SNX29: variants seen among roughly 807,000 people sequenced by gnomAD.
SNX29 encodes the protein sorting nexin 29.
SNX29 carries 78 observed loss-of-function variants against 102.1 expected under a neutral mutation model. That is an observed-to-expected ratio of 0.76 (90% CI 0.64 to 0.92). The LOEUF (loss-of-function observed/expected upper bound fraction) is 0.92, where lower values mean the gene tolerates loss of function less well. Ranked by LOEUF, SNX29 falls within the 40% of genes least tolerant of loss-of-function variation. The pLI, the probability that SNX29 is intolerant of heterozygous loss-of-function variation, is 0.00. For synonymous variants in SNX29, 580 were observed against 414.5 expected, an observed-to-expected ratio of 1.40 and a Z score of -4.85; for missense variants, 1,280 against 1,061.7, an observed-to-expected ratio of 1.21 and a Z score of -2.86.
chr16:12,058,092 T>A (rs1279759634), intron 8 of SNX29, among the ~76,000 whole-genome samples: 4 of 152,072 alleles, frequency 2.6e-5, no homozygotes, highest in Admixed American at 2.6e-4. Context: ...AGTGCTGGGA[T>A]TACAGGTGTG....
intron 19 of SNX29, among the ~76,000 whole-genome samples, chr16:12,523,617 T>C (rs56083878): frequency 0.38 from 58,504 of 152,084 alleles, 12,921 homozygotes; most frequent in East Asian, 0.7. Flanking sequence ...TGGTGGGCAG[T>C]AGCTCACCAC....
At chr16:12,019,534 G>A (rs2056952958) in intron 3 of SNX29, among the ~76,000 whole-genome samples, 1 of 151,180 alleles carries the variant, frequency 6.6e-6, no homozygotes, top group Non-Finnish European at 1.5e-5. Flanking sequence ...TCACCAAGTG[G>A]CTCTTAATTT....
At chr16:12,140,811 G>C (rs941425421) in intron 13 of SNX29, among the ~76,000 whole-genome samples, 1 of 152,148 alleles carries the variant, frequency 6.6e-6, no homozygotes, top group African/African-American at 2.4e-5. Context: ...CGCTGGTCCA[G>C]CTACTTTGGC....
In SNX29 at chr16:12,571,800, G is replaced by A; in HGVS notation, c.*3171G>A. 1 of 1,018,974 alleles carries A rather than the reference G, an allele frequency of 9.8e-7. No homozygotes were observed. Among genetic ancestry groups the A allele is most frequent in the Non-Finnish European group, 1.2e-6 (1 of 838,354 alleles). 63.1% of individuals were successfully genotyped at this position (1,018,974 alleles called of 1,614,324 possible). A position where few individuals can be genotyped will look rare whatever the true frequency, so the allele number is the denominator to read the frequency against. On this transcript the variant is annotated 3_prime_UTR_variant, in exon 21 of 21. Coordinates refer to ENST00000566228, the MANE Select transcript of SNX29 (RefSeq NM_032167.5). ...TTCTCCGCCACTCTTCCTGCAATCA[G>A]TGTGAAATTCCAGCTTCTTTGATTC... is the stretch of plus-strand genomic sequence containing the variant.
chr16:12,046,695 C>A (rs1323251379), intron 6 of SNX29, among the ~76,000 whole-genome samples: 1 of 152,248 alleles, frequency 6.6e-6, no homozygotes, highest in Non-Finnish European at 1.5e-5. Flanking sequence ...CCTCGGCTCA[C>A]TGCAACCTCC....
chr16:12,534,565 T>G (rs1381860983), intron 20 of SNX29, among the ~76,000 whole-genome samples: 1 of 152,134 alleles, frequency 6.6e-6, no homozygotes, highest in Non-Finnish European at 1.5e-5. Context: ...TGGTCACAGG[T>G]TATTAGGGTT....
At chr16:12,238,986 T>A (rs573048092) in intron 14 of SNX29, among the ~76,000 whole-genome samples, 1 of 152,322 alleles carries the variant, frequency 6.6e-6, no homozygotes, top group African/African-American at 2.4e-5. Flanking sequence ...AAAAGGACTC[T>A]CCCCCGCTAA....
chr16:12,358,206 G>C (rs556927904), intron 16 of SNX29, among the ~76,000 whole-genome samples: 2 of 152,202 alleles, frequency 1.3e-5, no homozygotes, highest in Non-Finnish European at 2.9e-5. Flanking sequence ...CCCTGTTTGT[G>C]TGCAAAAGTT....
At chr16:12,238,401 C>G (rs2078001894) in intron 14 of SNX29, among the ~76,000 whole-genome samples, 1 of 151,798 alleles carries the variant, frequency 6.6e-6, no homozygotes, top group Non-Finnish European at 1.5e-5. Flanking sequence ...TCTCGGCTCA[C>G]TGCAGCCTCC....
At chr16:12,122,849 C>G (rs866661518) in intron 11 of SNX29, among the ~76,000 whole-genome samples, 1 of 152,004 alleles carries the variant, frequency 6.6e-6, no homozygotes, top group Non-Finnish European at 1.5e-5. Flanking sequence ...TTTTTCTAGG[C>G]GGAGTCTCAC....
At chr16:12,536,653 T>C (rs933313320) in intron 20 of SNX29, among the ~76,000 whole-genome samples, 1 of 152,156 alleles carries the variant, frequency 6.6e-6, no homozygotes, top group Admixed American at 6.5e-5. Context: ...ATTTCTGGGT[T>C]CCTTAGATCC....
At chr16:12,361,667 T>A (rs1016690036) in intron 16 of SNX29, among the ~76,000 whole-genome samples, 3 of 152,210 alleles carry the variant, frequency 2.0e-5, no homozygotes, top group Non-Finnish European at 2.9e-5. Flanking sequence ...AAATTAAATT[T>A]TTGGTTTTTT....
intron 18 of SNX29, among the ~76,000 whole-genome samples, chr16:12,446,425 CATT>C (rs2086057345): frequency 6.6e-6 from 1 of 152,170 alleles, no homozygotes; most frequent in Admixed American, 6.5e-5. Context: ...TCAGCAGAGT[CATT>C]AATTGTTCTT....
At chr16:12,464,464 T>C (rs887217153) in intron 18 of SNX29, among the ~76,000 whole-genome samples, 4 of 152,134 alleles carry the variant, frequency 2.6e-5, no homozygotes, top group African/African-American at 9.7e-5. Flanking sequence ...TTTCAGTTAG[T>C]TAATTTGAGA....
At chr16:12,443,603 G>A (rs990564856) in intron 18 of SNX29, among the ~76,000 whole-genome samples, 7 of 152,136 alleles carry the variant, frequency 4.6e-5, no homozygotes, top group East Asian at 3.9e-4. Flanking sequence ...GACATGGACC[G>A]CCATGACTGG....
chr16:12,562,482 C>T (rs1326163566), intron 20 of SNX29, among the ~76,000 whole-genome samples: 2 of 152,170 alleles, frequency 1.3e-5, no homozygotes, highest in East Asian at 1.9e-4. Context: ...GAACTCGAGT[C>T]CTAGAAAGGA....
chr16:12,370,057 C>T lies in SNX29; in HGVS notation c.1899+13778C>T, dbSNP rs138131498. On this transcript the variant is annotated intron_variant, in intron 16 of 20. Coordinates refer to ENST00000566228, the MANE Select transcript of SNX29 (RefSeq NM_032167.5). ...CCAACGTGGTGAAACCCTGTCTCTA[C>T]TAAAAATACGAAAAAGTAACTGGGC... Among the ~76,000 whole-genome samples, 521 of 151,518 alleles carry T rather than the reference C, an allele frequency of 3.4e-3. 5 individuals carry two copies. The highest frequency in any genetic ancestry group is 0.012 in the African/African-American group (504 of 41,256).
intron 16 of SNX29, among the ~76,000 whole-genome samples, chr16:12,362,553 T>TCCACCCC (rs2082332235): frequency 9.0e-5 from 1 of 11,060 alleles, no homozygotes; most frequent in Non-Finnish European, 2.1e-4. Flanking sequence ...GCTGCTGCAC[T>TCCACCCC]CCCCCCCCAC....
At chr16:12,363,410 C>A (rs1227935210) in intron 16 of SNX29, among the ~76,000 whole-genome samples, 49 of 152,298 alleles carry the variant, frequency 3.2e-4, no homozygotes, top group Non-Finnish European at 7.3e-5. Context: ...GGCTTCCTCC[C>A]AGACACCAGG....
Sources: allele counts gnomAD v4.1 joint callset (sites outside exome capture counted in the v4.1 genomes callset), GRCh38; gene constraint gnomAD v4.1.1; transcripts MANE v1.5; gene names NCBI Gene and HGNC (gene_info 2026-07-23, HGNC 2026-07-21).